The following ITPK1 variants were observed in gnomAD, a reference collection of about 807,000 sequenced individuals.
The protein encoded by ITPK1 is inositol-tetrakisphosphate 1-kinase.
In ITPK1, 21 loss-of-function variants were observed where a neutral mutation model predicts 45.3. That is an observed-to-expected ratio of 0.46 (90% confidence interval 0.33 to 0.67). The LOEUF (loss-of-function observed/expected upper bound fraction) is 0.67, where lower values mean the gene tolerates loss of function less well. Ranked by LOEUF, ITPK1 falls within the 30% of genes least tolerant of loss-of-function variation. The pLI is 0.02. For synonymous variants in ITPK1, 258 were observed against 253.6 expected, an observed-to-expected ratio of 1.02 and a Z score of -0.16; for missense variants, 474 against 573.5, an observed-to-expected ratio of 0.83 and a Z score of 1.77.
Position 92,938,677 on chromosome 14 carries a change from C to G in ITPK1, c.*2884G>C. On this transcript the variant is annotated 3_prime_UTR_variant, in exon 11 of 11. Coordinates refer to ENST00000267615, the MANE Select transcript of ITPK1 (RefSeq NM_014216.6). ...CCGGCCATGCTGGGTGACTGCAGGCCCAGCCCACCCACCACGTGTGGACCC... is the reference window on the plus strand; with the variant it reads ...CCGGCCATGCTGGGTGACTGCAGGCGCAGCCCACCCACCACGTGTGGACCC... The G allele has an allele frequency of 3.0e-6, 2 of 662,030 alleles. No individual in the cohort carries two copies. The highest frequency in any genetic ancestry group is 5.5e-6 in the Non-Finnish European group (2 of 365,806). The allele number at this position is 662,030 out of a possible 1,614,324, so 41.0% of individuals were successfully genotyped here.
rs569567321 is a variant in ITPK1, at chr14:93,015,900, C to T, written c.246+776G>A. 3.3e-5 allele frequency among the ~76,000 whole-genome samples: 5 copies of T among 152,322 alleles called. No homozygotes were observed. The South Asian group carries it at 8.3e-4, about 25-fold the overall frequency. On this transcript the variant is annotated intron_variant, in intron 4 of 10. Coordinates refer to ENST00000267615, the MANE Select transcript of ITPK1 (RefSeq NM_014216.6). ...GAAGAAAAGCAGGGCACCAAATCTG[C>T]GCCTGTCACACGCTAGAAACCCCAT...
chr14:92,950,311 G>A (rs904750413), intron 9 of ITPK1, among the ~76,000 whole-genome samples: 9 of 152,246 alleles, frequency 5.9e-5, no homozygotes, highest in Admixed American at 5.9e-4. Context: ...GGTGGGCAGG[G>A]GCAGGTGGAT....
chr14:93,050,501 G>A (rs941328762), intron 3 of ITPK1, among the ~76,000 whole-genome samples: 2 of 152,146 alleles, frequency 1.3e-5, no homozygotes, highest in African/African-American at 4.8e-5. Flanking sequence ...GAGGAGCAAG[G>A]GCTGATGGCG....
chr14:92,982,702 C>G (rs1233644348), intron 5 of ITPK1, among the ~76,000 whole-genome samples: 1 of 152,238 alleles, frequency 6.6e-6, no homozygotes, highest in East Asian at 1.9e-4. Context: ...ACTCAATCTG[C>G]TGTCATCTGT....
chr14:93,046,827 C>A (rs1306786698), intron 3 of ITPK1, among the ~76,000 whole-genome samples: 1 of 152,206 alleles, frequency 6.6e-6, no homozygotes, highest in African/African-American at 2.4e-5. Flanking sequence ...GGCTGCGAAC[C>A]CCCATCAGAA....
At position 93,036,840 on chromosome 14, in the gene ITPK1, G is replaced by A. The variant is rs1408274630; in HGVS notation, c.121-20039C>T. On this transcript the variant is annotated intron_variant, in intron 3 of 10. Transcript: ENST00000267615. This position sits in a 1 kb window ranked among gnomAD's most constrained non-coding sequence, Gnocchi z 4.1. ...GAGATGCTGACAGCTGCCAAAAAGG[G>A]ACCTACCTGCTGTCAAGGGGTGGAA... 1 of 152,322 alleles carries A rather than the reference G, an allele frequency of 6.6e-6. No homozygotes were observed. The highest frequency in any genetic ancestry group is 1.9e-4 in the East Asian group (1 of 5,192). 9.4% of individuals were successfully genotyped at this position (152,322 alleles called of 1,614,324 possible).
chr14:92,972,396 C>A (rs1822790314), intron 5 of ITPK1, among the ~76,000 whole-genome samples: 1 of 152,104 alleles, frequency 6.6e-6, no homozygotes, highest in Non-Finnish European at 1.5e-5. Context: ...CAGGGGAAGA[C>A]CATGTGCAGA....
chr14:92,977,748 C>A lies in ITPK1; in HGVS notation c.365-14899G>T, dbSNP rs571156441. 2.8e-4 allele frequency among the ~76,000 whole-genome samples: 43 copies of A among 151,986 alleles called. 2 individuals carry two copies. Among genetic ancestry groups the A allele is most frequent in the African/African-American group, 1.0e-3 (42 of 41,256 alleles). Reference sequence around the variant, plus strand: ...CACCATCATTGTAAGTTTCCTGAGGCCTCACCAGCCATGCCTTCTGTATAG... The same window carrying A: ...CACCATCATTGTAAGTTTCCTGAGGACTCACCAGCCATGCCTTCTGTATAG... On this transcript the variant is annotated intron_variant, in intron 5 of 10. Coordinates refer to ENST00000267615, the MANE Select transcript of ITPK1 (RefSeq NM_014216.6).
intron 4 of ITPK1, among the ~76,000 whole-genome samples, chr14:93,013,076 G>A (rs1302388287): frequency 6.6e-6 from 1 of 152,190 alleles, no homozygotes. Context: ...CCTGAGGCAG[G>A]GACCCTCTCG....
chr14:93,033,892 G>T (rs143639344), intron 3 of ITPK1, among the ~76,000 whole-genome samples: 144 of 152,270 alleles, frequency 9.5e-4, no homozygotes, highest in African/African-American at 3.2e-3. Flanking sequence ...AATGATGCAG[G>T]GGAGGAGACA....
intron 10 of ITPK1, among the ~76,000 whole-genome samples, chr14:92,946,032 CCTGGGGGAGGGG>C (rs1887667414): frequency 6.6e-6 from 1 of 152,150 alleles, no homozygotes. Flanking sequence ...TCGAGGAGGG[CCTGGGGGAGGGG>C]CTGATCCACC....
chr14:92,949,937 C>T (rs2139711982), intron 9 of ITPK1, among the ~76,000 whole-genome samples: 1 of 152,278 alleles, frequency 6.6e-6, no homozygotes, highest in African/African-American at 2.4e-5. Context: ...GGCCTCGGCA[C>T]CCGGCTGCCG....
intron 2 of ITPK1, among the ~76,000 whole-genome samples, chr14:93,077,249 C>G (rs1435235088): frequency 6.6e-6 from 1 of 152,142 alleles, no homozygotes; most frequent in Admixed American, 6.5e-5. Context: ...TTAGGAGCCT[C>G]ATGGCCTGGG....
rs1888089844 is a variant in ITPK1 at position 93,014,794 on chromosome 14, G to A, written c.246+1882C>T. 2.0e-5 allele frequency among the ~76,000 whole-genome samples: 3 copies of A among 152,376 alleles called. No homozygotes were observed. Among genetic ancestry groups the A allele is most frequent in the Admixed American group, 2.0e-4 (3 of 15,306 alleles). Reference sequence around the variant, plus strand: ...TCATTGAACCTTACAGCTCATGGGAGCAAGTGGGTCAACCGCCATGAAGCG... The same window carrying A: ...TCATTGAACCTTACAGCTCATGGGAACAAGTGGGTCAACCGCCATGAAGCG... On this transcript the variant is annotated intron_variant, in intron 4 of 10. Transcript: ENST00000267615. The surrounding 1 kb of genome is among the most constrained non-coding windows in gnomAD (Gnocchi z 4.4).
intron 2 of ITPK1, among the ~76,000 whole-genome samples, chr14:93,104,224 A>T (rs1892435352): frequency 6.6e-6 from 1 of 152,156 alleles, no homozygotes; most frequent in African/African-American, 2.4e-5. Flanking sequence ...GGTCGCTCAC[A>T]CTTGTAATCC....
At position 93,076,509 on chromosome 14, in the gene ITPK1, A is replaced by G. The variant is rs1264166342; in HGVS notation, c.120+86T>C. On this transcript the variant is annotated intron_variant, in intron 3 of 10. Transcript: ENST00000267615. The surrounding 1 kb of genome is among the most constrained non-coding windows in gnomAD (Gnocchi z 4.3). ...TGAAGAAGAGAGAAAGCCGTGCCCA[A>G]TGCTGGAGGAGAGAAGGAGAGACAG... is the stretch of plus-strand genomic sequence containing the variant. 13 of 1,452,890 alleles carry G rather than the reference A, an allele frequency of 8.9e-6. No individual in the cohort carries two copies. The highest frequency in any genetic ancestry group is 4.5e-5 in the East Asian group (2 of 43,994). The allele number at this position is 1,452,890 out of a possible 1,614,324, so 90.0% of individuals were successfully genotyped here. A position where few individuals can be genotyped will look rare whatever the true frequency, so the allele number is the denominator to read the frequency against.
In ITPK1 at chr14:93,066,481, T is replaced by C. The variant is rs566556108; in HGVS notation, c.120+10114A>G. ...GTTCAGTGGCGCGATCTCGGCTCAC[T>C]GCAAGCTCCGCCTCCCGCGTTCGCG... On this transcript the variant is annotated intron_variant, in intron 3 of 10. Transcript: ENST00000267615. 701 of 321,024 alleles carry C rather than the reference T, an allele frequency of 2.2e-3. 7 individuals are homozygous for C. Among genetic ancestry groups the C allele is most frequent in the South Asian group, 0.016 (687 of 43,154 alleles). The allele number at this position is 321,024 out of a possible 1,614,324, so 19.9% of individuals were successfully genotyped here.
intron 3 of ITPK1, among the ~76,000 whole-genome samples, chr14:93,064,935 T>C (rs1890687112): frequency 6.6e-6 from 1 of 152,046 alleles, no homozygotes; most frequent in Non-Finnish European, 1.5e-5. Flanking sequence ...TCACGATGAG[T>C]GTGCGGGGAA....
Position 92,940,168 on chromosome 14 carries a change from G to C in ITPK1, c.*1393C>G. On this transcript the variant is annotated 3_prime_UTR_variant, in exon 11 of 11. Coordinates refer to ENST00000267615, the MANE Select transcript of ITPK1 (RefSeq NM_014216.6). The stretch of plus-strand genomic sequence containing the variant: ...TGCACTGGCTCGGGGGCCTCTCTCG[G>C]GACACTCAGCACTTTCTCTAGCGTC... The C allele has an allele frequency of 1.0e-6, 1 of 985,690 alleles. No homozygotes were observed. The highest frequency in any genetic ancestry group is 1.2e-6 in the Non-Finnish European group (1 of 830,100). 61.1% of individuals were successfully genotyped at this position (985,690 alleles called of 1,614,324 possible).
Sources: gnomAD v4.1 joint callset for allele counts (sites outside exome capture counted in the v4.1 genomes callset) on GRCh38, gnomAD v4.1.1 for gene constraint, Gnocchi (gnomAD v3.1) non-coding constraint, MANE v1.5 for transcripts, NCBI Gene and HGNC (gene_info 2026-07-23, HGNC 2026-07-21) for gene names.